Variants in DIAPH3 observed in about 807,000 individuals in gnomAD.
The protein encoded by DIAPH3 is protein diaphanous homolog 3.
A neutral mutation model predicts 144.3 loss-of-function variants in DIAPH3; 117 were observed. That is an observed-to-expected ratio of 0.81 (90% CI 0.70 to 0.95). The LOEUF (loss-of-function observed/expected upper bound fraction) is 0.95, where lower values mean the gene tolerates loss of function less well. Ranked by LOEUF, DIAPH3 falls within the 40% of genes least tolerant of loss-of-function variation. DIAPH3 has a pLI of 0.00. For missense variants in DIAPH3, 1,421 were observed against 1,412.7 expected (o/e 1.01, Z -0.09); for synonymous variants, 519 against 488.9 (o/e 1.06, Z -0.81).
intron 21 of DIAPH3, among the ~76,000 whole-genome samples, chr13:59,866,769 A>T (rs543809303): frequency 1.3e-5 from 2 of 152,074 alleles, no homozygotes; most frequent in African/African-American, 2.4e-5. Flanking sequence ...TCCCATCTCA[A>T]ATCTTTTGCA....
intron 20 of DIAPH3, among the ~76,000 whole-genome samples, chr13:59,880,978 C>CAAAAAAAAAA (rs77481523): frequency 3.6e-4 from 23 of 64,788 alleles, no homozygotes; most frequent in East Asian, 6.8e-4. Context: ...CAACAAGGAC[C>CAAAAAAAAAA]AAAAAAAAAA....
At chr13:60,052,660 G>A (rs2056393912) in intron 4 of DIAPH3, among the ~76,000 whole-genome samples, 1 of 152,092 alleles carries the variant, frequency 6.6e-6, no homozygotes, top group Admixed American at 6.6e-5. Context: ...ATGGCTTTCA[G>A]TGAATGAATG....
intron 27 of DIAPH3, among the ~76,000 whole-genome samples, chr13:59,762,479 T>A (rs189736921): frequency 1.3e-5 from 2 of 152,194 alleles, no homozygotes; most frequent in South Asian, 4.1e-4. Flanking sequence ...GCAGAGATCA[T>A]TGGGCACCAT....
chr13:59,957,045 T>G (rs1393147598), intron 17 of DIAPH3, among the ~76,000 whole-genome samples: 1 of 152,172 alleles, frequency 6.6e-6, no homozygotes, highest in Non-Finnish European at 1.5e-5. Context: ...TTGCTTTTGA[T>G]TTTACAGGCT....
chr13:59,925,532 C>T (rs2047712610), intron 17 of DIAPH3, among the ~76,000 whole-genome samples: 1 of 152,022 alleles, frequency 6.6e-6, no homozygotes, highest in African/African-American at 2.4e-5. Flanking sequence ...GTTGGGTCCT[C>T]GTCTTGTCTT....
intron 27 of DIAPH3, among the ~76,000 whole-genome samples, chr13:59,684,007 T>C (rs1427080383): frequency 6.6e-6 from 1 of 151,674 alleles, no homozygotes; most frequent in Non-Finnish European, 1.5e-5. Flanking sequence ...AATTCTGACA[T>C]ACTCAGTGAA....
At chr13:59,719,562 G>T (rs1464632694) in intron 27 of DIAPH3, among the ~76,000 whole-genome samples, 5 of 152,082 alleles carry the variant, frequency 3.3e-5, no homozygotes, top group Middle Eastern at 3.4e-3. Context: ...TCCAGGCAAT[G>T]GGTTCTCTCA....
In DIAPH3 at chr13:60,079,345, C is replaced by G. The variant is rs530655084; in HGVS notation, c.495+14283G>C. Among the ~76,000 whole-genome samples, 27 of 152,050 alleles carry G rather than the reference C, an allele frequency of 1.8e-4. 1 individual carries two copies. The highest frequency in any genetic ancestry group is 1.2e-3 in the South Asian group (6 of 4,826). ...CACATCTACTTCCATAAATTGAATT[C>G]TGTGAATACCAAGAGTTGACTTTTT... On this transcript the variant is annotated intron_variant, in intron 4 of 27. Coordinates refer to ENST00000400324, the MANE Select transcript of DIAPH3 (RefSeq NM_001042517.2).
At chr13:59,853,119 C>A (rs2043073287) in intron 22 of DIAPH3, among the ~76,000 whole-genome samples, 1 of 152,102 alleles carries the variant, frequency 6.6e-6, no homozygotes, top group Non-Finnish European at 1.5e-5. Flanking sequence ...TAAGATTATA[C>A]CTATAACAAG....
At chr13:59,684,733 G>A (rs572783201) in intron 27 of DIAPH3, among the ~76,000 whole-genome samples, 1 of 152,284 alleles carries the variant, frequency 6.6e-6, no homozygotes, top group East Asian at 1.9e-4. Context: ...CAGAGTCATA[G>A]AAGCTTTGGG....
chr13:59,679,624 A>C (rs2032835973), intron 27 of DIAPH3, among the ~76,000 whole-genome samples: 1 of 152,246 alleles, frequency 6.6e-6, no homozygotes, highest in Non-Finnish European at 1.5e-5. Flanking sequence ...AGGACAAGAT[A>C]CAGTAACTGT....
chr13:59,901,595 T>C (rs1274355806), intron 20 of DIAPH3, among the ~76,000 whole-genome samples: 1 of 152,164 alleles, frequency 6.6e-6, no homozygotes, highest in African/African-American at 2.4e-5. Flanking sequence ...AATAAAAATA[T>C]ATGACAAATA....
In DIAPH3 at chr13:59,992,114, A is replaced by C. The variant is rs1296157153; in HGVS notation, c.1198T>G (p.Leu400Val). 6.2e-7 allele frequency: 1 copy of C among 1,612,046 alleles called. No homozygotes were observed. The highest frequency in any genetic ancestry group is 8.5e-7 in the Non-Finnish European group (1 of 1,178,818). ...TCAAGGCGATGGGATAACTCAAACAAATCTTCTTCTTTATGCTCATCAAAG... is the reference window on the plus strand; with the variant it reads ...TCAAGGCGATGGGATAACTCAAACACATCTTCTTCTTTATGCTCATCAAAG... ...KVFDEHKEED[L>V]FELSHRLEDI... Residue 400 changes from leucine to valine, a missense_variant, in exon 11 of 28, where the codon TTG (leucine) becomes GTG (valine). By Grantham distance (32) the Leu-to-Val change is conservative (BLOSUM62 1). Transcript: ENST00000400324.
intron 27 of DIAPH3, among the ~76,000 whole-genome samples, chr13:59,675,723 T>C (rs2032614967): frequency 6.6e-6 from 1 of 152,192 alleles, no homozygotes; most frequent in Non-Finnish European, 1.5e-5. Context: ...TTTAGAGAAG[T>C]CCATGAACTG....
intron 25 of DIAPH3, among the ~76,000 whole-genome samples, chr13:59,808,565 C>A (rs926157060): frequency 6.6e-6 from 1 of 151,998 alleles, no homozygotes; most frequent in Non-Finnish European, 1.5e-5. Flanking sequence ...TATTCCATGT[C>A]CAATAAAATA....
chr13:59,729,518 C>T (rs547880614), intron 27 of DIAPH3, among the ~76,000 whole-genome samples: 1 of 152,092 alleles, frequency 6.6e-6, no homozygotes, highest in African/African-American at 2.4e-5. Flanking sequence ...GAACAAAAAA[C>T]AATTTACCAT....
chr13:59,999,998 T>C (rs576869686), intron 9 of DIAPH3, among the ~76,000 whole-genome samples: 1 of 152,328 alleles, frequency 6.6e-6, no homozygotes, highest in East Asian at 1.9e-4. Flanking sequence ...TTTTAGGTAT[T>C]TAACAGAACA....
intron 27 of DIAPH3, among the ~76,000 whole-genome samples, chr13:59,729,395 A>T (rs1593689996): frequency 6.6e-6 from 1 of 152,144 alleles, no homozygotes; most frequent in East Asian, 1.9e-4. Context: ...ACAGAAGCAA[A>T]CAGTAATTAA....
chr13:59,749,519 CAAAAAA>C (rs60918644), intron 27 of DIAPH3, among the ~76,000 whole-genome samples: 1 of 51,232 alleles, frequency 2.0e-5, no homozygotes, highest in South Asian at 9.6e-4. Flanking sequence ...GACTCCATCT[CAAAAAA>C]AAAAAAAAAA....
Sources: allele counts gnomAD v4.1 joint callset (sites outside exome capture counted in the v4.1 genomes callset), GRCh38; gene constraint gnomAD v4.1.1; transcripts MANE v1.5; gene names NCBI Gene and HGNC (gene_info 2026-07-23, HGNC 2026-07-21).